Variants in ALK observed in about 807,000 individuals in gnomAD.
ALK encodes ALK receptor tyrosine kinase.
A neutral mutation model predicts 163.1 loss-of-function variants in ALK; 74 were observed. The observed-to-expected ratio is 0.45, with a 90% CI of 0.38 to 0.55. ALK has a LOEUF of 0.55. ALK is among the 20% of genes least tolerant of loss of function. The pLI, the probability that ALK is intolerant of heterozygous loss-of-function variation, is 0.00. For missense variants in ALK, 2,063 were observed against 2,105.3 expected, an observed-to-expected ratio of 0.98 and a Z score of 0.39; for synonymous variants, 960 against 843.2, an observed-to-expected ratio of 1.14 and a Z score of -2.40.
chr2:29,479,373 G>A (rs1671605607), intron 4 of ALK, among the ~76,000 whole-genome samples: 1 of 152,184 alleles, frequency 6.6e-6, no homozygotes, highest in African/African-American at 2.4e-5. Flanking sequence ...CAGGCCCAGA[G>A]GACGCTTGAA....
At chr2:29,321,048 C>T (rs1159772140) in intron 6 of ALK, among the ~76,000 whole-genome samples, 166 bp from the exon 7 acceptor site, 2 of 152,164 alleles carry the variant, frequency 1.3e-5, no homozygotes, top group African/African-American at 4.8e-5. Flanking sequence ...TGAAGAGAAG[C>T]CCCCAAGCCC....
chr2:29,747,533 C>T (rs184913897), intron 1 of ALK, among the ~76,000 whole-genome samples: 1 of 152,188 alleles, frequency 6.6e-6, no homozygotes, highest in African/African-American at 2.4e-5. Context: ...GTCTCTGTCT[C>T]CCTTCCCACC....
intron 5 of ALK, among the ~76,000 whole-genome samples, chr2:29,356,014 T>A (rs1005141226): frequency 1.3e-5 from 2 of 152,042 alleles, no homozygotes; most frequent in Non-Finnish European, 2.9e-5. Context: ...ACTACAGAAA[T>A]TGGCAAATGG....
At chr2:29,635,337 G>A (rs934627429) in intron 3 of ALK, among the ~76,000 whole-genome samples, 2 of 152,108 alleles carry the variant, frequency 1.3e-5, no homozygotes, top group African/African-American at 4.8e-5. Context: ...TTGACAAGGG[G>A]GTATTAACCT....
At chr2:29,885,506 T>C (rs1436709413) in intron 1 of ALK, among the ~76,000 whole-genome samples, 1 of 151,462 alleles carries the variant, frequency 6.6e-6, no homozygotes, top group African/African-American at 2.4e-5. Context: ...GTTTTGTATA[T>C]GACTTTGCAG....
At chr2:29,630,499 T>C (rs918469455) in intron 3 of ALK, among the ~76,000 whole-genome samples, 1 of 152,150 alleles carries the variant, frequency 6.6e-6, no homozygotes, top group African/African-American at 2.4e-5. Flanking sequence ...AAGAAAATGT[T>C]AAGCTTTTAT....
At chr2:29,821,086 G>A (rs945756019) in intron 1 of ALK, among the ~76,000 whole-genome samples, 15 of 152,182 alleles carry the variant, frequency 9.9e-5, no homozygotes, top group African/African-American at 3.4e-4. Context: ...GGAGGGGATC[G>A]AGACTACTGC....
chr2:29,297,167 G>T, intron 8 of ALK, 110 bp from the exon 9 acceptor site: 2 of 1,313,738 alleles, frequency 1.5e-6, no homozygotes, highest in Non-Finnish European at 2.2e-6. Context: ...GCTGAGTTCA[G>T]CCTGGTGAGA....
chr2:29,537,924 TGTTCCACACTTG>T (rs1486851254), intron 3 of ALK, among the ~76,000 whole-genome samples: 9 of 152,270 alleles, frequency 5.9e-5, no homozygotes, highest in African/African-American at 2.2e-4. Flanking sequence ...TGCCCTGCTG[TGTTCCACACTTG>T]TGTGATGCCT....
intron 1 of ALK, among the ~76,000 whole-genome samples, chr2:29,918,102 A>G (rs1054850134): frequency 6.6e-6 from 1 of 152,202 alleles, no homozygotes; most frequent in Non-Finnish European, 1.5e-5. Flanking sequence ...TATTCTTTAA[A>G]TGAATTAAGC....
chr2:29,614,677 C>A (rs1327921203), intron 3 of ALK, among the ~76,000 whole-genome samples: 1 of 152,224 alleles, frequency 6.6e-6, no homozygotes, highest in Non-Finnish European at 1.5e-5. Context: ...CCCTACTCTT[C>A]ATATCTGATT....
chr2:29,231,847 G>C (rs1664216890), intron 15 of ALK, among the ~76,000 whole-genome samples: 1 of 152,198 alleles, frequency 6.6e-6, no homozygotes, highest in African/African-American at 2.4e-5. Context: ...CTCAGCCGTG[G>C]AGAGTCAAGT....
chr2:29,439,815 G>T (rs190258641), intron 4 of ALK, among the ~76,000 whole-genome samples: 93 of 152,308 alleles, frequency 6.1e-4, no homozygotes, highest in African/African-American at 2.0e-3. Flanking sequence ...AAGCTAGGAA[G>T]TGGTAAGGAT....
At chr2:29,680,618 ACTT>A (rs1678035368) in intron 3 of ALK, among the ~76,000 whole-genome samples, 1 of 151,786 alleles carries the variant, frequency 6.6e-6, no homozygotes, top group Non-Finnish European at 1.5e-5. Flanking sequence ...ATTTCTTTAA[ACTT>A]TTTTGTTGTT....
chr2:29,907,496 A>G (rs1449062168), intron 1 of ALK, among the ~76,000 whole-genome samples: 7 of 152,292 alleles, frequency 4.6e-5, no homozygotes, highest in Non-Finnish European at 1.0e-4. Flanking sequence ...TCTTGGTCCA[A>G]CACAATGGTC....
At chr2:29,400,544 C>T (rs777244508) in intron 4 of ALK, among the ~76,000 whole-genome samples, 2 of 152,184 alleles carry the variant, frequency 1.3e-5, no homozygotes, top group Non-Finnish European at 2.9e-5. Flanking sequence ...TTGTCTGCTG[C>T]CACCCAAGAA....
At chr2:29,705,240 A>AATAAATATATATATATAT in intron 2 of ALK, among the ~76,000 whole-genome samples, 1 of 47,164 alleles carries the variant, frequency 2.1e-5, no homozygotes, top group South Asian at 9.5e-4. Context: ...AAAGAAAAGA[A>AATAAATATATATATATAT]ATATATATAT....
At chr2:29,891,976 C>G (rs1156314369) in intron 1 of ALK, among the ~76,000 whole-genome samples, 1 of 152,204 alleles carries the variant, frequency 6.6e-6, no homozygotes, top group Non-Finnish European at 1.5e-5. Context: ...CAATCTCTCC[C>G]TAACCCAGTC....
intron 1 of ALK, among the ~76,000 whole-genome samples, chr2:29,833,054 G>A (rs908908950): frequency 6.6e-6 from 1 of 152,164 alleles, no homozygotes; most frequent in African/African-American, 2.4e-5. Context: ...GAGAGCACTT[G>A]AGGTAGGGAA....
Sources: allele counts gnomAD v4.1 joint callset (sites outside exome capture counted in the v4.1 genomes callset), GRCh38; gene constraint gnomAD v4.1.1; transcripts MANE v1.5; gene names NCBI Gene and HGNC (gene_info 2026-07-23, HGNC 2026-07-21).